Variants in GPR141 observed in about 807,000 individuals in gnomAD.
The protein encoded by GPR141 is probable G protein-coupled receptor 141.
A neutral mutation model predicts 6.8 loss-of-function variants in GPR141; 6 were observed. That is an observed-to-expected ratio of 0.88 (90% CI 0.48 to 1.74). The LOEUF is 1.74. Among genes scored for constraint, GPR141 ranks in the 40% most tolerant of loss-of-function variants. GPR141 has a pLI of 0.01. For missense variants in GPR141, 372 were observed against 372.9 expected (o/e 1.00, Z 0.02); for synonymous variants, 140 against 142.3 (o/e 0.98, Z 0.11).
At chr7:37,711,652 C>T (rs1810800913) in intron 2 of GPR141, among the ~76,000 whole-genome samples, 1 of 152,206 alleles carries the variant, frequency 6.6e-6, no homozygotes, top group African/African-American at 2.4e-5. Flanking sequence ...TCAATGTAAG[C>T]CTGTTGCAAA....
intron 2 of GPR141, among the ~76,000 whole-genome samples, chr7:37,723,341 CT>C (rs968285420): frequency 6.6e-6 from 1 of 151,314 alleles, no homozygotes; most frequent in African/African-American, 2.4e-5. Context: ...TTAGTTGCCT[CT>C]TTTTTTATTA....
intron 2 of GPR141, among the ~76,000 whole-genome samples, chr7:37,705,992 T>C (rs1277459184): frequency 6.6e-6 from 1 of 152,036 alleles, no homozygotes; most frequent in African/African-American, 2.4e-5. Flanking sequence ...GTTCCAGAAA[T>C]CAGGAAATGC....
intron 2 of GPR141, among the ~76,000 whole-genome samples, chr7:37,726,050 T>C (rs903609495): frequency 3.3e-5 from 5 of 152,200 alleles, no homozygotes; most frequent in Non-Finnish European, 5.9e-5. Context: ...TCACATACAA[T>C]TTCTCTCTTT....
intron 2 of GPR141, among the ~76,000 whole-genome samples, chr7:37,708,485 G>C (rs1465783279): frequency 6.6e-6 from 1 of 152,104 alleles, no homozygotes; most frequent in African/African-American, 2.4e-5. Flanking sequence ...CATGTTCAGA[G>C]AGTGGTGAAA....
At chr7:37,710,500 T>A (rs1305659188) in intron 2 of GPR141, among the ~76,000 whole-genome samples, 1 of 152,222 alleles carries the variant, frequency 6.6e-6, no homozygotes, top group African/African-American at 2.4e-5. Flanking sequence ...CCTATCATCT[T>A]GCCCAAAAAT....
intron 2 of GPR141, among the ~76,000 whole-genome samples, chr7:37,708,164 T>C (rs778683187): frequency 2.0e-5 from 3 of 151,972 alleles, no homozygotes; most frequent in Non-Finnish European, 2.9e-5. Context: ...ATTTTATAAG[T>C]GGCCATACTG....
chr7:37,699,151 G>GT (rs556449251), intron 2 of GPR141, among the ~76,000 whole-genome samples: 11 of 151,710 alleles, frequency 7.3e-5, no homozygotes, highest in South Asian at 4.2e-4. Context: ...CGGATTGGCA[G>GT]TTTTTTTTTC....
At position 37,740,785 on chromosome 7, in the gene GPR141, A is replaced by C. The variant is rs746935561; in HGVS notation, c.392A>C (p.His131Pro). ...KDKVEFYRKLHAVAASAGMWT... is the reference protein window; with the variant it reads ...KDKVEFYRKLPAVAASAGMWT... ...AAAGTGGAATTCTACAGAAAACTGC[A>C]TGCTGTGGCTGCCAGTGCTGGCATG... Residue 131 changes from histidine to proline, a missense_variant, in exon 3 of 3, where the codon CAT (histidine) becomes CCT (proline). Coordinates refer to ENST00000334425, the MANE Select transcript of GPR141 (RefSeq NM_001381946.1). 48 of 1,614,008 alleles carry C rather than the reference A, an allele frequency of 3.0e-5. No homozygotes were observed. The highest frequency in any genetic ancestry group is 4.0e-5 in the Non-Finnish European group (47 of 1,180,004).
intron 2 of GPR141, among the ~76,000 whole-genome samples, chr7:37,736,458 C>A (rs1336170538): frequency 2.0e-5 from 3 of 148,276 alleles, no homozygotes; most frequent in Non-Finnish European, 3.0e-5. Context: ...AAGACATTAA[C>A]CTATAAATTT....
chr7:37,716,228 A>G (rs1344819626), intron 2 of GPR141, among the ~76,000 whole-genome samples: 1 of 152,196 alleles, frequency 6.6e-6, no homozygotes, highest in Non-Finnish European at 1.5e-5. Flanking sequence ...AATTAGACAT[A>G]GTTCCTGTCC....
intron 2 of GPR141, among the ~76,000 whole-genome samples, chr7:37,715,382 G>A (rs536122397): frequency 2.6e-5 from 4 of 152,148 alleles, no homozygotes; most frequent in Admixed American, 6.5e-5. Flanking sequence ...CTCCCACCTC[G>A]GCCTCCCAAA....
At chr7:37,740,293 G>A in intron 2 of GPR141, 87 bp from the exon 3 acceptor site, 1 of 801,254 alleles carries the variant, frequency 1.2e-6, no homozygotes, top group East Asian at 2.4e-5. Context: ...GCACATAAAT[G>A]GCAAAGTCAC....
intron 2 of GPR141, among the ~76,000 whole-genome samples, chr7:37,716,186 G>A (rs1479997030): frequency 2.0e-5 from 3 of 152,162 alleles, no homozygotes; most frequent in Non-Finnish European, 4.4e-5. Context: ...TAGAGAGCAC[G>A]CTTGCTAAGA....
rs772896826 is a variant in GPR141, at chr7:37,715,760, C to T, written c.-14-24620C>T. Among the ~76,000 whole-genome samples, 5 of 152,068 alleles carry T rather than the reference C, an allele frequency of 3.3e-5. No homozygotes were observed. In the South Asian group the frequency reaches 6.2e-4, roughly 19 times the overall value. ...GAAGACTGTGGCCAGCAGGTATTAG[C>T]GTCAGGAGGTGAGTATTAGTTTAAA... On this transcript the variant is annotated intron_variant, in intron 2 of 2. Coordinates refer to ENST00000334425, the MANE Select transcript of GPR141 (RefSeq NM_001381946.1).
rs1382417669 is a variant in GPR141, at chr7:37,741,207, G to C, written c.814G>C (p.Val272Leu). The change falls in exon 3 of 3, where the codon GTA (valine) becomes CTA (leucine). Residue 272 changes from valine to leucine, a missense_variant. By Grantham distance (32) the Val-to-Leu change is conservative. Coordinates refer to ENST00000334425, the MANE Select transcript of GPR141 (RefSeq NM_001381946.1). Reference sequence around the variant, plus strand: ...ATTTTATAACGAAATCTTCTTGAGTGTAACAGCAATTAGCTGCTATGATTT... The same window carrying C: ...ATTTTATAACGAAATCTTCTTGAGTCTAACAGCAATTAGCTGCTATGATTT... ...VAFYNEIFLS[V>L]TAISCYDLLL... 6.2e-7 allele frequency: 1 copy of C among 1,613,460 alleles called. No homozygotes were observed.
At chr7:37,724,016 A>G (rs998132249) in intron 2 of GPR141, among the ~76,000 whole-genome samples, 1 of 152,178 alleles carries the variant, frequency 6.6e-6, no homozygotes, top group Admixed American at 6.5e-5. Flanking sequence ...TATTTTCGAG[A>G]ACATGGGTGG....
chr7:37,684,044 A>G (rs1387606654), intron 1 of GPR141, 141 bp downstream of exon 1: 1 of 152,036 alleles, frequency 6.6e-6, no homozygotes, highest in African/African-American at 2.4e-5. Context: ...TCTGACCACA[A>G]CTCCTCCTTT....
chr7:37,719,223 T>C (rs1198671719), intron 2 of GPR141, among the ~76,000 whole-genome samples: 1 of 152,118 alleles, frequency 6.6e-6, no homozygotes, highest in Non-Finnish European at 1.5e-5. Flanking sequence ...GACAGTTGTG[T>C]TGATTGAGCC....
intron 2 of GPR141, among the ~76,000 whole-genome samples, chr7:37,703,038 T>C (rs1041477371): frequency 6.6e-6 from 1 of 152,084 alleles, no homozygotes; most frequent in Non-Finnish European, 1.5e-5. Context: ...AAATGTATCC[T>C]CCATATGTAC....
Sources: allele counts gnomAD v4.1 joint callset (sites outside exome capture counted in the v4.1 genomes callset), GRCh38; gene constraint gnomAD v4.1.1; transcripts MANE v1.5; gene names NCBI Gene and HGNC (gene_info 2026-07-23, HGNC 2026-07-21).